The following ATF1 variants were observed in gnomAD, a reference collection of about 807,000 sequenced individuals.
ATF1 encodes the protein activating transcription factor 1.
A neutral mutation model predicts 34.7 loss-of-function variants in ATF1; 16 were observed. The ratio of observed to expected loss-of-function variants is 0.46; its 90% CI spans 0.31 to 0.70. The LOEUF is 0.70. ATF1 is among the 30% of genes least tolerant of loss of function. The probability of loss-of-function intolerance (pLI) is 0.05; values close to 1 mark genes in which losing one functional copy is unlikely to be tolerated. For synonymous variants in ATF1, 105 were observed against 113.1 expected, an observed-to-expected ratio of 0.93 and a Z score of 0.46; for missense variants, 255 against 321.6, an observed-to-expected ratio of 0.79 and a Z score of 1.58.
intron 2 of ATF1, among the ~76,000 whole-genome samples, chr12:50,790,171 C>G (rs1273060464): frequency 6.7e-6 from 1 of 149,298 alleles, no homozygotes; most frequent in Non-Finnish European, 1.5e-5. Flanking sequence ...AACTCTAGAG[C>G]TGGACTCTCA....
chr12:50,797,847 C>T (rs184909858), intron 3 of ATF1, among the ~76,000 whole-genome samples: 211 of 152,144 alleles, frequency 1.4e-3, no homozygotes, highest in Non-Finnish European at 2.7e-3. Flanking sequence ...TCAAAAATGA[C>T]GGTGAAATAA....
rs1282458638 is a variant in ATF1, at chr12:50,795,918, T to TTTTTAGG, written c.104_105insTTTAGGT (p.Leu35PhefsTer7). 6.2e-7 allele frequency: 1 copy of TTTTTAGG among 1,612,116 alleles called. No individual in the cohort carries two copies. The highest frequency in any genetic ancestry group is 8.5e-7 in the Non-Finnish European group (1 of 1,179,192). On this transcript the variant is annotated frameshift_variant, in exon 3 of 7. Transcript: ENST00000262053. LOFTEE classifies it high-confidence loss of function. ...GCCAGTTCTTTTTTAGGTATCATCTTTATCAGAAAGTGAGGAGTCCCAGGA... is the reference window on the plus strand; with the variant it reads ...GCCAGTTCTTTTTTAGGTATCATCTTTTTTAGGTATCAGAAAGTGAGGAGTCCCAGGA...
chr12:50,771,848 G>T (rs1940778865), intron 1 of ATF1, among the ~76,000 whole-genome samples: 1 of 152,144 alleles, frequency 6.6e-6, no homozygotes, highest in Non-Finnish European at 1.5e-5. Context: ...CGTCACTGCT[G>T]TGCTCCCACC....
intron 1 of ATF1, among the ~76,000 whole-genome samples, chr12:50,767,966 G>A (rs150274358): frequency 6.6e-6 from 1 of 151,274 alleles, no homozygotes; most frequent in Non-Finnish European, 1.5e-5. Flanking sequence ...TCCGCCTCCC[G>A]AGTTCAAGTG....
At chr12:50,771,506 A>G (rs1940769493) in intron 1 of ATF1, among the ~76,000 whole-genome samples, 1 of 152,172 alleles carries the variant, frequency 6.6e-6, no homozygotes, top group South Asian at 2.1e-4. Flanking sequence ...ATAGGCAGGC[A>G]GGAATATCAT....
chr12:50,783,043 A>T (rs555798771), intron 2 of ATF1, among the ~76,000 whole-genome samples: 18 of 151,106 alleles, frequency 1.2e-4, no homozygotes, highest in African/African-American at 4.4e-4. Flanking sequence ...CAGAAATGTA[A>T]AACAATGCCA....
intron 3 of ATF1, among the ~76,000 whole-genome samples, chr12:50,803,925 G>T (rs1941564499): frequency 6.6e-6 from 1 of 152,200 alleles, no homozygotes; most frequent in Non-Finnish European, 1.5e-5. Flanking sequence ...TAGGCAAGTG[G>T]TTGGTTAGCG....
chr12:50,814,133 A>G lies in ATF1; in HGVS notation c.452A>G (p.Tyr151Cys). The G allele has an allele frequency of 6.2e-7, 1 of 1,614,222 alleles. No individual in the cohort carries two copies. The highest frequency in any genetic ancestry group is 8.5e-7 in the Non-Finnish European group (1 of 1,180,034). ...STQQGTTILQYAQTSDGQQIL... is the reference protein window; with the variant it reads ...STQQGTTILQCAQTSDGQQIL... ...CAGCAAGGTACAACTATTCTTCAGT[A>G]TGCACAGACCTCTGATGGACAGCAG... Residue 151 changes from tyrosine to cysteine, a missense_variant, in exon 5 of 7, where the codon TAT becomes TGT. Physicochemically the swap from Tyr to Cys is radical, Grantham distance 194 (BLOSUM62 -2). Coordinates refer to ENST00000262053, the MANE Select transcript of ATF1 (RefSeq NM_005171.5).
intron 1 of ATF1, chr12:50,764,544 C>G (rs937127589): frequency 1.1e-4 from 17 of 152,528 alleles, no homozygotes; most frequent in African/African-American, 3.8e-4. Flanking sequence ...TTCCCTCGCC[C>G]CCAAATAAAA....
Position 50,794,183 on chromosome 12 carries a change from C to T in ATF1, c.94-1726C>T, listed in dbSNP as rs113842404. 3.2e-3 allele frequency among the ~76,000 whole-genome samples: 486 copies of T among 151,938 alleles called. 6 individuals are homozygous for T. The highest frequency in any genetic ancestry group is 0.011 in the African/African-American group (458 of 41,488). On this transcript the variant is annotated intron_variant, in intron 2 of 6. Transcript: ENST00000262053. ...GCCAGGATGTTCTCAATCTCCTGAC[C>T]TCGTGATCCACCCACCTCGGCCTCC...
intron 1 of ATF1, among the ~76,000 whole-genome samples, chr12:50,766,424 G>T (rs11169554): frequency 6.6e-6 from 1 of 151,970 alleles, no homozygotes; most frequent in Non-Finnish European, 1.5e-5. Flanking sequence ...TCTGCCTTGC[G>T]CTCTTTGCTG....
At chr12:50,811,740 G>C (rs1251108120) in intron 4 of ATF1, among the ~76,000 whole-genome samples, 1 of 151,676 alleles carries the variant, frequency 6.6e-6, no homozygotes, top group East Asian at 1.9e-4. Flanking sequence ...ACCGTGAACC[G>C]TGATCGTACC....
chr12:50,771,329 A>G (rs1256459843), intron 1 of ATF1, among the ~76,000 whole-genome samples: 1 of 152,058 alleles, frequency 6.6e-6, no homozygotes, highest in Admixed American at 6.6e-5. Flanking sequence ...CTTGTGGAAT[A>G]TATTGCTGTT....
intron 6 of ATF1, among the ~76,000 whole-genome samples, 169 bp downstream of exon 6, chr12:50,814,608 A>G (rs1462538072): frequency 6.6e-6 from 1 of 152,172 alleles, no homozygotes; most frequent in Non-Finnish European, 1.5e-5. Context: ...TAATGGAGCT[A>G]AAAAGTCCTG....
intron 3 of ATF1, among the ~76,000 whole-genome samples, chr12:50,796,521 T>G (rs957532177): frequency 6.6e-6 from 1 of 151,950 alleles, no homozygotes; most frequent in Admixed American, 6.6e-5. Context: ...GCCAACATGG[T>G]GAAACCCCGT....
chr12:50,810,311 G>A (rs1359029633), intron 4 of ATF1, among the ~76,000 whole-genome samples: 1 of 141,578 alleles, frequency 7.1e-6, no homozygotes, highest in Non-Finnish European at 1.5e-5. Flanking sequence ...TCCACCTCCC[G>A]GGTTCAAGTG....
chr12:50,797,500 CGGA>C (rs1941431014), intron 3 of ATF1, among the ~76,000 whole-genome samples: 1 of 152,072 alleles, frequency 6.6e-6, no homozygotes, highest in Non-Finnish European at 1.5e-5. Flanking sequence ...TTTTTTGAGA[CGGA>C]GGTCTCACCC....
At chr12:50,817,948 C>A (rs1050903017) in intron 6 of ATF1, among the ~76,000 whole-genome samples, 2 of 152,086 alleles carry the variant, frequency 1.3e-5, no homozygotes, top group African/African-American at 4.8e-5. Flanking sequence ...ATGTACTGCC[C>A]CTGGGAATGT....
chr12:50,794,451 G>T (rs1941370213), intron 2 of ATF1, among the ~76,000 whole-genome samples: 1 of 151,574 alleles, frequency 6.6e-6, no homozygotes, highest in Non-Finnish European at 1.5e-5. Context: ...TGTAATCCCA[G>T]CTACTCAGGA....
Sources: allele counts gnomAD v4.1 joint callset (sites outside exome capture counted in the v4.1 genomes callset), GRCh38; gene constraint gnomAD v4.1.1; transcripts MANE v1.5; gene names NCBI Gene and HGNC (gene_info 2026-07-23, HGNC 2026-07-21).